Variants in GLTP observed in about 807,000 individuals in gnomAD.
The protein encoded by GLTP is glycolipid transfer protein.
GLTP carries 22 observed loss-of-function variants against 24.0 expected under a neutral mutation model. The ratio of observed to expected loss-of-function variants is 0.92; its 90% CI spans 0.65 to 1.31. GLTP has a LOEUF of 1.31. GLTP is among the 50% of genes most tolerant of loss of function. The pLI is 0.00. For missense variants in GLTP, 224 were observed against 276.6 expected (o/e 0.81, Z 1.35); for synonymous variants, 92 against 115.9 (o/e 0.79, Z 1.33).
At chr12:109,854,270 G>C (rs1480334699) in intron 4 of GLTP, among the ~76,000 whole-genome samples, 1 of 148,934 alleles carries the variant, frequency 6.7e-6, no homozygotes, top group South Asian at 2.1e-4. Flanking sequence ...TGAGGCTGGA[G>C]AATCGCTTGA....
At chr12:109,875,946 A>C (rs753689262) in intron 1 of GLTP, among the ~76,000 whole-genome samples, 4 of 152,236 alleles carry the variant, frequency 2.6e-5, no homozygotes, top group African/African-American at 4.8e-5. Flanking sequence ...AAATAATTGA[A>C]TATAAGGATG....
At chr12:109,870,681 A>AT (rs1485522887) in intron 1 of GLTP, among the ~76,000 whole-genome samples, 1 of 152,158 alleles carries the variant, frequency 6.6e-6, no homozygotes, top group Admixed American at 6.6e-5. Flanking sequence ...TGACTCATTG[A>AT]TTGATTGTTA....
At chr12:109,853,356 C>T (rs1892752881) in intron 4 of GLTP, among the ~76,000 whole-genome samples, 1 of 151,970 alleles carries the variant, frequency 6.6e-6, no homozygotes, top group Non-Finnish European at 1.5e-5. Context: ...TCAAAATTCA[C>T]AGAATTTCAG....
chr12:109,858,148 G>A (rs1417115051), intron 2 of GLTP: 2 of 457,664 alleles, frequency 4.4e-6, no homozygotes, highest in South Asian at 3.1e-5. Context: ...ACTTGCTTGT[G>A]ACCTTAAGCG....
intron 1 of GLTP, among the ~76,000 whole-genome samples, chr12:109,876,793 G>C (rs1425920415): frequency 6.6e-6 from 1 of 152,176 alleles, no homozygotes; most frequent in East Asian, 1.9e-4. Context: ...ATTTATTTGA[G>C]ACAGGGTCTC....
intron 1 of GLTP, among the ~76,000 whole-genome samples, chr12:109,870,880 G>A (rs1416945682): frequency 6.6e-6 from 1 of 152,078 alleles, no homozygotes; most frequent in East Asian, 1.9e-4. Context: ...GGAAAGCAGA[G>A]GCTTCTAGAA....
chr12:109,855,566 G>A lies in GLTP; in HGVS notation c.447+53C>T. ...GCCTCGGCTAAGCAGGGGCAGAGTG[G>A]GGAGCAGAATCTGCAAGCTGGTGGT... On this transcript the variant is annotated intron_variant, in intron 4 of 4. Transcript: ENST00000318348. This position sits in a 1 kb window ranked among gnomAD's most constrained non-coding sequence, Gnocchi z 4.1. 1 of 1,478,918 alleles carries A rather than the reference G, an allele frequency of 6.8e-7. No homozygotes were observed. Among genetic ancestry groups the A allele is most frequent in the Non-Finnish European group, 9.1e-7 (1 of 1,099,528 alleles). The allele number at this position is 1,478,918 out of a possible 1,614,324, so 91.6% of individuals were successfully genotyped here.
intron 1 of GLTP, among the ~76,000 whole-genome samples, chr12:109,863,541 C>T (rs763886675): frequency 3.3e-5 from 5 of 152,288 alleles, no homozygotes; most frequent in East Asian, 1.9e-4. Flanking sequence ...AATCTGTCAG[C>T]GTATTTCCCT....
chr12:109,871,651 G>C (rs1868725341), intron 1 of GLTP, among the ~76,000 whole-genome samples: 1 of 152,292 alleles, frequency 6.6e-6, no homozygotes, highest in Middle Eastern at 3.4e-3. Context: ...GGAAAATGGT[G>C]CCAAATTCCT....
chr12:109,871,376 C>T (rs759319978), intron 1 of GLTP, among the ~76,000 whole-genome samples: 1 of 152,116 alleles, frequency 6.6e-6, no homozygotes, highest in Admixed American at 6.6e-5. Context: ...TGAGCCACTG[C>T]GCCCGGCCCC....
intron 1 of GLTP, among the ~76,000 whole-genome samples, chr12:109,870,856 C>G (rs1002088864): frequency 2.0e-5 from 3 of 152,192 alleles, no homozygotes; most frequent in African/African-American, 4.8e-5. Context: ...AGTCGACTGC[C>G]TAACTGCCAG....
rs1247507047 is a variant in GLTP at position 109,857,211 on chromosome 12, AGC to A, written c.296+313_296+314del. On this transcript the variant is annotated intron_variant, in intron 3 of 4. Transcript: ENST00000318348. This position sits in a 1 kb window ranked among gnomAD's most constrained non-coding sequence, Gnocchi z 4.3. Reference sequence around the variant, plus strand: ...ACGTGATTTGGCCTCCAGAAGCGCCAGCTGCCTCCTCTGTGAGATGCGAATAG... The same window carrying A: ...ACGTGATTTGGCCTCCAGAAGCGCCATGCCTCCTCTGTGAGATGCGAATAG... 6.6e-6 allele frequency among the ~76,000 whole-genome samples: 1 copy of A among 152,226 alleles called. No homozygotes were observed. The highest frequency in any genetic ancestry group is 1.5e-5 in the Non-Finnish European group (1 of 68,042).
intron 1 of GLTP, among the ~76,000 whole-genome samples, chr12:109,870,470 A>AAAAATAAAAT (rs61486850): frequency 1.3e-3 from 187 of 148,758 alleles, no homozygotes; most frequent in African/African-American, 4.5e-3. Flanking sequence ...ACTCTGTCTC[A>AAAAATAAAAT]AAAATAAAAT....
At chr12:109,872,373 G>C (rs1024840893) in intron 1 of GLTP, among the ~76,000 whole-genome samples, 3 of 152,196 alleles carry the variant, frequency 2.0e-5, no homozygotes, top group Non-Finnish European at 4.4e-5. Context: ...TCAAGCTCAG[G>C]CTGGCTCAGA....
intron 1 of GLTP, among the ~76,000 whole-genome samples, chr12:109,863,106 T>C (rs1385067591): frequency 6.6e-6 from 1 of 152,172 alleles, no homozygotes; most frequent in African/African-American, 2.4e-5. Context: ...TACATTAGAC[T>C]GATGGATGGA....
At chr12:109,871,845 A>C (rs1217198103) in intron 1 of GLTP, among the ~76,000 whole-genome samples, 5 of 152,224 alleles carry the variant, frequency 3.3e-5, no homozygotes. Context: ...CCCATGCTGC[A>C]GAAGCCCATT....
intron 1 of GLTP, among the ~76,000 whole-genome samples, chr12:109,869,017 G>A (rs190391360): frequency 3.9e-5 from 6 of 152,060 alleles, no homozygotes; most frequent in East Asian, 3.9e-4. Context: ...CTTCACCCCC[G>A]GGCCAGGCAC....
At chr12:109,869,544 C>A (rs570249263) in intron 1 of GLTP, among the ~76,000 whole-genome samples, 5 of 145,292 alleles carry the variant, frequency 3.4e-5, no homozygotes, top group South Asian at 4.5e-4. Context: ...CAATCTCCAA[C>A]TTCCAGGTTC....
chr12:109,857,422 C>G lies in GLTP; in HGVS notation c.296+104G>C, dbSNP rs747096873. 5 of 1,306,176 alleles carry G rather than the reference C, an allele frequency of 3.8e-6. No individual in the cohort carries two copies. In the South Asian group the frequency reaches 3.9e-5, roughly 10 times the overall value. 80.9% of individuals were successfully genotyped at this position (1,306,176 alleles called of 1,614,324 possible). ...TAACTAGCATCACACTGGAAGGGCTCGGAAGTGACCTTCCCAGCCTGAGCT... is the reference window on the plus strand; with the variant it reads ...TAACTAGCATCACACTGGAAGGGCTGGGAAGTGACCTTCCCAGCCTGAGCT... On this transcript the variant is annotated intron_variant, in intron 3 of 4. Transcript: ENST00000318348. This position sits in a 1 kb window ranked among gnomAD's most constrained non-coding sequence, Gnocchi z 4.3.
Sources: gnomAD v4.1 joint callset for allele counts (sites outside exome capture counted in the v4.1 genomes callset) on GRCh38, gnomAD v4.1.1 for gene constraint, Gnocchi (gnomAD v3.1) non-coding constraint, MANE v1.5 for transcripts, NCBI Gene and HGNC (gene_info 2026-07-23, HGNC 2026-07-21) for gene names.